Variants in CDK14 observed in about 807,000 individuals in gnomAD.
CDK14 encodes cyclin dependent kinase 14, also known as cyclin-dependent kinase 14.
Under a neutral mutation model 60.7 loss-of-function variants are expected in CDK14, and 34 were observed. The ratio of observed to expected loss-of-function variants is 0.56; its 90% CI spans 0.43 to 0.75. CDK14 has a LOEUF of 0.75. Among genes scored for constraint, CDK14 ranks in the 30% least tolerant of loss-of-function variants. CDK14 has a pLI of 0.00. For synonymous variants in CDK14, 197 were observed against 203.7 expected (o/e 0.97, Z 0.28); for missense variants, 482 against 564.1 (o/e 0.85, Z 1.47).
chr7:90,762,694 A>G (rs1804367827), intron 4 of CDK14, among the ~76,000 whole-genome samples: 2 of 152,206 alleles, frequency 1.3e-5, no homozygotes, highest in South Asian at 4.1e-4. Context: ...AAATTAAAAG[A>G]TAGCTGGAAG....
chr7:90,983,408 G>A (rs986516168), intron 9 of CDK14, among the ~76,000 whole-genome samples: 4 of 152,080 alleles, frequency 2.6e-5, no homozygotes, highest in East Asian at 1.9e-4. Context: ...GGCCATGTGC[G>A]GTGGCTCATG....
At chr7:90,639,294 A>G (rs1183317333) in intron 2 of CDK14, among the ~76,000 whole-genome samples, 2 of 151,980 alleles carry the variant, frequency 1.3e-5, no homozygotes, top group East Asian at 3.9e-4. Context: ...GGTGATGTAC[A>G]GATGGGTTTT....
chr7:90,893,579 A>G (rs1453166977), intron 6 of CDK14, among the ~76,000 whole-genome samples: 2 of 152,222 alleles, frequency 1.3e-5, no homozygotes, highest in Non-Finnish European at 2.9e-5. Context: ...GGATAAGTGC[A>G]AATCATAAGG....
At chr7:90,611,984 C>T (rs754463459) in intron 2 of CDK14, among the ~76,000 whole-genome samples, 2 of 152,012 alleles carry the variant, frequency 1.3e-5, no homozygotes, top group African/African-American at 4.8e-5. Context: ...AGACGCCCAC[C>T]ACCACACCCA....
chr7:90,688,932 A>G (rs755151442), intron 2 of CDK14, among the ~76,000 whole-genome samples: 5 of 152,006 alleles, frequency 3.3e-5, no homozygotes, highest in Non-Finnish European at 7.4e-5. Context: ...CAGCAAAATA[A>G]CTGTGCTGTA....
At chr7:90,626,576 G>C (rs189281860) in intron 2 of CDK14, among the ~76,000 whole-genome samples, 2 of 152,056 alleles carry the variant, frequency 1.3e-5, no homozygotes, top group Admixed American at 1.3e-4. Context: ...TGAGCTTCTC[G>C]ACCAGCACTG....
At chr7:90,739,024 G>A (rs1471544867) in intron 3 of CDK14, among the ~76,000 whole-genome samples, 2 of 152,002 alleles carry the variant, frequency 1.3e-5, no homozygotes, top group Admixed American at 1.3e-4. Context: ...TAAAATAGGA[G>A]ACTCACTTTA....
chr7:91,143,853 GT>G (rs1458450042), intron 14 of CDK14, among the ~76,000 whole-genome samples: 1 of 152,128 alleles, frequency 6.6e-6, no homozygotes. Flanking sequence ...TCTTATCCCC[GT>G]TTTGCAGAGG....
chr7:90,937,131 A>C (rs1278050219), intron 8 of CDK14, among the ~76,000 whole-genome samples: 1 of 152,154 alleles, frequency 6.6e-6, no homozygotes. Flanking sequence ...AAATAATTCA[A>C]AGTATAGGAC....
chr7:90,645,670 C>A (rs964298404), intron 2 of CDK14, among the ~76,000 whole-genome samples: 8 of 152,034 alleles, frequency 5.3e-5, no homozygotes, highest in African/African-American at 1.9e-4. Flanking sequence ...TACTTGATAA[C>A]ACTTAAAATG....
chr7:91,071,737 G>C (rs1204075281), intron 11 of CDK14, among the ~76,000 whole-genome samples: 1 of 152,148 alleles, frequency 6.6e-6, no homozygotes, highest in Non-Finnish European at 1.5e-5. Context: ...GCCAACACTG[G>C]GACTGCTAGC....
At chr7:91,165,900 T>C (rs1423663450) in intron 14 of CDK14, among the ~76,000 whole-genome samples, 1 of 152,238 alleles carries the variant, frequency 6.6e-6, no homozygotes, top group South Asian at 2.1e-4. Context: ...CTGTGCTAAA[T>C]TTTATTCTGT....
chr7:91,051,294 G>A (rs968213063), intron 11 of CDK14, among the ~76,000 whole-genome samples: 2 of 152,136 alleles, frequency 1.3e-5, no homozygotes, highest in Non-Finnish European at 2.9e-5. Flanking sequence ...TTCAACATGA[G>A]ATTTGGAAGG....
intron 14 of CDK14, among the ~76,000 whole-genome samples, chr7:91,145,443 A>G (rs1178242143): frequency 6.6e-6 from 1 of 152,226 alleles, no homozygotes; most frequent in Non-Finnish European, 1.5e-5. Flanking sequence ...AAAAAATTTT[A>G]ATTACCTCAA....
At chr7:91,151,795 C>T (rs189293453) in intron 14 of CDK14, among the ~76,000 whole-genome samples, 182 of 152,254 alleles carry the variant, frequency 1.2e-3, no homozygotes, top group African/African-American at 4.2e-3. Flanking sequence ...AGCTAAATGC[C>T]TACATTTCAT....
chr7:91,078,332 C>T (rs759262441), intron 11 of CDK14, among the ~76,000 whole-genome samples: 23 of 152,162 alleles, frequency 1.5e-4, no homozygotes, highest in Admixed American at 4.6e-4. Flanking sequence ...ACAGGCCAGG[C>T]GCAGTGGCTC....
At chr7:91,185,424 T>C (rs1802141689) in intron 14 of CDK14, among the ~76,000 whole-genome samples, 1 of 149,038 alleles carries the variant, frequency 6.7e-6, no homozygotes, top group South Asian at 2.2e-4. Context: ...AGTATATAAA[T>C]GCAAAAACAA....
chr7:90,904,596 A>G (rs938062521), intron 7 of CDK14, among the ~76,000 whole-genome samples: 14 of 152,130 alleles, frequency 9.2e-5, no homozygotes, highest in African/African-American at 3.4e-4. Flanking sequence ...GAAAGAAAGT[A>G]TCAAAAAATC....
At chr7:91,139,628 G>C (rs1562921319) in intron 14 of CDK14, among the ~76,000 whole-genome samples, 2 of 152,244 alleles carry the variant, frequency 1.3e-5, no homozygotes, top group East Asian at 3.9e-4. Context: ...GGATGCAGTG[G>C]CCAAAAGTTT....
Sources: allele counts gnomAD v4.1 joint callset (sites outside exome capture counted in the v4.1 genomes callset), GRCh38; gene constraint gnomAD v4.1.1; transcripts MANE v1.5; gene names NCBI Gene and HGNC (gene_info 2026-07-23, HGNC 2026-07-21).